Variants in HYCC2 observed in about 807,000 individuals in gnomAD.
HYCC2 encodes the protein hyccin PI4KA lipid kinase complex subunit 2.
At chr2:201,009,041 C>T in the HYCC2 span, 1 of 1,613,996 alleles carries the variant, frequency 6.2e-7, no homozygotes, top group African/African-American at 1.3e-5. Context: ...TGAGATCATG[C>T]TGACACAATG....
the HYCC2 span, among the ~76,000 whole-genome samples, chr2:201,018,049 G>A: frequency 6.6e-6 from 1 of 152,024 alleles, no homozygotes; most frequent in East Asian, 1.9e-4. Context: ...TTTTCTTATT[G>A]TATTTATGTG....
chr2:200,981,876 GA>G, the HYCC2 span: 2 of 1,590,304 alleles, frequency 1.3e-6, no homozygotes, highest in Non-Finnish European at 1.7e-6. The surrounding 1 kb of genome is among the most constrained non-coding windows in gnomAD (Gnocchi z 4.5). Flanking sequence ...CAGCACCTAA[GA>G]AAACAAATCA....
At chr2:200,999,241 G>A in the HYCC2 span, among the ~76,000 whole-genome samples, 4 of 152,154 alleles carry the variant, frequency 2.6e-5, no homozygotes, top group African/African-American at 9.7e-5. Context: ...ATCCTATGGT[G>A]AAGTTTATAG....
the HYCC2 span, among the ~76,000 whole-genome samples, chr2:201,012,452 CCT>C: frequency 1.4e-4 from 22 of 151,848 alleles, no homozygotes; most frequent in Non-Finnish European, 2.9e-5. Flanking sequence ...AGAGTGACAC[CCT>C]GTCTCAAAAA....
chr2:201,021,967 C>T, the HYCC2 span: 1 of 639,792 alleles, frequency 1.6e-6, no homozygotes. Context: ...ATTTAGGAGA[C>T]AGGAAAGAAG....
chr2:201,018,140 A>G, the HYCC2 span, among the ~76,000 whole-genome samples: 2 of 152,166 alleles, frequency 1.3e-5, no homozygotes, highest in African/African-American at 4.8e-5. Context: ...GATATCACAC[A>G]ATATGACTTA....
At chr2:201,060,732 G>A in the HYCC2 span, among the ~76,000 whole-genome samples, 46 of 152,016 alleles carry the variant, frequency 3.0e-4, no homozygotes, top group African/African-American at 9.4e-4. Context: ...AACTGATAAA[G>A]CAAAAAAGAG....
chr2:201,067,461 T>G, the HYCC2 span, among the ~76,000 whole-genome samples: 1 of 152,222 alleles, frequency 6.6e-6, no homozygotes, highest in African/African-American at 2.4e-5. Context: ...GAAAGTACTA[T>G]AATTCTATAA....
At chr2:201,069,411 T>G in the HYCC2 span, among the ~76,000 whole-genome samples, 1 of 152,188 alleles carries the variant, frequency 6.6e-6, no homozygotes, top group Non-Finnish European at 1.5e-5. Flanking sequence ...TTTGGACTAG[T>G]GTTTCTTTAG....
chr2:201,061,056 AAAAT>A, the HYCC2 span, among the ~76,000 whole-genome samples: 2 of 151,702 alleles, frequency 1.3e-5, no homozygotes, highest in Non-Finnish European at 2.9e-5. Flanking sequence ...ATGGGTTAAG[AAAAT>A]AAATAGTTTA....
chr2:201,070,375 G>A, the HYCC2 span, among the ~76,000 whole-genome samples: 7 of 151,962 alleles, frequency 4.6e-5, no homozygotes, highest in East Asian at 3.9e-4. Context: ...TTTTTCTGCC[G>A]GGCACGGTGG....
the HYCC2 span, among the ~76,000 whole-genome samples, chr2:201,010,162 C>T: frequency 6.6e-6 from 1 of 151,230 alleles, no homozygotes; most frequent in Non-Finnish European, 1.5e-5. Context: ...TACTTTACTA[C>T]TCTCCATTTT....
chr2:201,062,803 G>C, the HYCC2 span, among the ~76,000 whole-genome samples: 5 of 150,054 alleles, frequency 3.3e-5, no homozygotes, highest in Admixed American at 1.3e-4. Context: ...GGGCAACAGA[G>C]TGAGACCCTG....
At chr2:201,005,969 G>A in the HYCC2 span, among the ~76,000 whole-genome samples, 2 of 152,020 alleles carry the variant, frequency 1.3e-5, no homozygotes, top group Non-Finnish European at 2.9e-5. Context: ...GAGTAGCTGG[G>A]ATTACAGGCA....
At chr2:201,017,362 A>T in the HYCC2 span, among the ~76,000 whole-genome samples, 1 of 152,146 alleles carries the variant, frequency 6.6e-6, no homozygotes, top group African/African-American at 2.4e-5. Context: ...TAACTATAAG[A>T]AGTATTTTGT....
At chr2:201,022,957 CA>C in the HYCC2 span, 1 of 1,462,232 alleles carries the variant, frequency 6.8e-7, no homozygotes, top group Non-Finnish European at 9.5e-7. Flanking sequence ...CAAAGGAAAA[CA>C]AAAGTGAACA....
the HYCC2 span, chr2:201,022,869 G>C: frequency 6.2e-7 from 1 of 1,613,310 alleles, no homozygotes; most frequent in Non-Finnish European, 8.5e-7. Flanking sequence ...TAGAGGGCTG[G>C]TACAAGTGTT....
chr2:201,070,691 C>A, the HYCC2 span, among the ~76,000 whole-genome samples: 1 of 152,024 alleles, frequency 6.6e-6, no homozygotes, highest in Non-Finnish European at 1.5e-5. Context: ...CATATTCAGA[C>A]CACCACCTTA....
the HYCC2 span, chr2:201,052,060 G>C: frequency 6.6e-6 from 1 of 152,242 alleles, no homozygotes; most frequent in East Asian, 1.9e-4. Flanking sequence ...CACTTTTGGA[G>C]GGCAAGGCGG....
Sources: gnomAD v4.1 joint callset for allele counts (sites outside exome capture counted in the v4.1 genomes callset) on GRCh38, gnomAD v4.1.1 for gene constraint, Gnocchi (gnomAD v3.1) non-coding constraint, MANE v1.5 for transcripts, NCBI Gene and HGNC (gene_info 2026-07-23, HGNC 2026-07-21) for gene names.